Variants in C3orf18 observed in about 807,000 individuals in gnomAD.
C3orf18 encodes chromosome 3 open reading frame 18, also known as uncharacterized protein C3orf18.
In C3orf18, 12 loss-of-function variants were observed where a neutral mutation model predicts 14.1. The ratio of observed to expected loss-of-function variants is 0.85; its 90% CI spans 0.55 to 1.38. C3orf18 has a LOEUF of 1.38. Among genes scored for constraint, C3orf18 ranks in the 40% most tolerant of loss-of-function variants. C3orf18 has a pLI of 0.00. For synonymous variants in C3orf18, 82 were observed against 87.9 expected (o/e 0.93, Z 0.38); for missense variants, 196 against 213.9 (o/e 0.92, Z 0.52).
chr3:50,561,135 C>T, intron 4 of C3orf18, 71 bp from the exon 5 acceptor site: 1 of 1,512,626 alleles, frequency 6.6e-7, no homozygotes, highest in East Asian at 2.3e-5. Flanking sequence ...CCAGGCCCTG[C>T]CTCCTGACTA....
At chr3:50,560,541 A>G (rs1205187963) in intron 5 of C3orf18, among the ~76,000 whole-genome samples, 1 of 152,242 alleles carries the variant, frequency 6.6e-6, no homozygotes, top group Non-Finnish European at 1.5e-5. Context: ...CCTAGCCGCC[A>G]ACAGTCTCTC....
rs1699806754 is a variant in C3orf18, at chr3:50,558,953, G to A, written c.*704C>T. 1 of 1,287,330 alleles carries A rather than the reference G, an allele frequency of 7.8e-7. No individual in the cohort carries two copies. Among genetic ancestry groups the A allele is most frequent in the Admixed American group, 2.3e-5 (1 of 43,480 alleles). The allele number at this position is 1,287,330 out of a possible 1,614,324, so 79.7% of individuals were successfully genotyped here. A position where few individuals can be genotyped will look rare whatever the true frequency, so the allele number is the denominator to read the frequency against. ...CATGAGGCCTCTCGGCAGGTCTGGG[G>A]GGGCTGCATCCTTCCACTTCCATTC... is the stretch of plus-strand genomic sequence containing the variant. On this transcript the variant is annotated 3_prime_UTR_variant, in exon 6 of 6. Transcript: ENST00000357203.
intron 4 of C3orf18, among the ~76,000 whole-genome samples, chr3:50,561,282 C>T (rs1170886235): frequency 6.6e-6 from 1 of 152,234 alleles, no homozygotes; most frequent in East Asian, 1.9e-4. Flanking sequence ...GTTACCCACT[C>T]CAGGGTAAGG....
upstream of C3orf18, among the ~76,000 whole-genome samples, chr3:50,567,994 G>A (rs1196991117): frequency 6.6e-6 from 1 of 152,280 alleles, no homozygotes; most frequent in East Asian, 1.9e-4. Context: ...ACCCGTGCCA[G>A]GACAGACTCA....
At chr3:50,568,582 C>T (rs970624675), upstream of C3orf18, among the ~76,000 whole-genome samples, 1 of 151,904 alleles carries the variant, frequency 6.6e-6, no homozygotes, top group East Asian at 1.9e-4. Context: ...CAGAATTAGC[C>T]GGTCGTGTTG....
chr3:50,563,730 C>A (rs182733829), intron 3 of C3orf18, among the ~76,000 whole-genome samples: 2 of 152,330 alleles, frequency 1.3e-5, no homozygotes, highest in Admixed American at 1.3e-4. Flanking sequence ...TATCTTCTGC[C>A]CTCCGCTGCC....
intron 3 of C3orf18, 94 bp from the exon 4 acceptor site, chr3:50,561,841 C>T (rs537942320): frequency 6.0e-6 from 8 of 1,322,886 alleles, no homozygotes; most frequent in African/African-American, 5.8e-5. Flanking sequence ...GGCTGATGAA[C>T]AAGAGACCCG....
In C3orf18 at chr3:50,559,644, T is replaced by C; in HGVS notation, c.*13A>G. ...TGGGTCTCTATCAGAAGTCCAGGCT[T>C]GTCCCAGGCCACTCACGCATGGATG... On this transcript the variant is annotated 3_prime_UTR_variant, in exon 6 of 6. Transcript: ENST00000357203. 1.3e-6 allele frequency: 2 copies of C among 1,561,094 alleles called. No individual in the cohort carries two copies. Among genetic ancestry groups the C allele is most frequent in the Non-Finnish European group, 1.7e-6 (2 of 1,151,252 alleles).
chr3:50,560,234 G>A (rs1251331577), intron 5 of C3orf18, among the ~76,000 whole-genome samples: 1 of 152,216 alleles, frequency 6.6e-6, no homozygotes, highest in Non-Finnish European at 1.5e-5. Flanking sequence ...CCAAGAAGAC[G>A]CAAAGAGGCT....
chr3:50,565,658 G>T lies in C3orf18; in HGVS notation c.42C>A (p.Ser14Arg). 1 of 1,612,738 alleles carries T rather than the reference G, an allele frequency of 6.2e-7. No homozygotes were observed. ...GGTCAGACTCAGAGGTGGGTGGGCGGCTGCTGAACCAGCCCCTAGCAGATG... is the reference window on the plus strand; with the variant it reads ...GGTCAGACTCAGAGGTGGGTGGGCGTCTGCTGAACCAGCCCCTAGCAGATG... Reference protein sequence around the residue: ...RTASARGWFSSRPPTSESDLE... With the variant: ...RTASARGWFSRRPPTSESDLE... Residue 14 changes from serine to arginine, a missense_variant, in exon 3 of 6, where the codon AGC becomes AGA. Coordinates refer to ENST00000357203, the MANE Select transcript of C3orf18 (RefSeq NM_016210.5). This position sits in a 1 kb window ranked among gnomAD's most constrained non-coding sequence, Gnocchi z 4.4.
upstream of C3orf18, among the ~76,000 whole-genome samples, chr3:50,573,234 G>A (rs904630292): frequency 1.3e-5 from 2 of 152,206 alleles, no homozygotes; most frequent in African/African-American, 2.4e-5. Context: ...GGGGCAGCAC[G>A]TGGACTTCCT....
Position 50,558,732 on chromosome 3 carries a change from G to A in C3orf18, c.*925C>T, listed in dbSNP as rs1470332716. On this transcript the variant is annotated 3_prime_UTR_variant, in exon 6 of 6. Coordinates refer to ENST00000357203, the MANE Select transcript of C3orf18 (RefSeq NM_016210.5). The stretch of plus-strand genomic sequence containing the variant: ...CAGTGAAACAATGCAGTGGAGAGAG[G>A]AACCGTGCTGTGCGTGCTTCCCTCT... The A allele has an allele frequency of 3.9e-6, 5 of 1,289,682 alleles. No homozygotes were observed. In the African/African-American group the frequency reaches 6.1e-5, roughly 16 times the overall value. 79.9% of individuals were successfully genotyped at this position (1,289,682 alleles called of 1,614,324 possible).
At chr3:50,569,997 T>C (rs1244692963), upstream of C3orf18, 1 of 152,234 alleles carries the variant, frequency 6.6e-6, no homozygotes, top group Non-Finnish European at 1.5e-5. Flanking sequence ...CGCGTCAGTA[T>C]GCCCGGCCAA....
In C3orf18 at chr3:50,559,557, A is replaced by G. The variant is rs1699838573; in HGVS notation, c.*100T>C. On this transcript the variant is annotated 3_prime_UTR_variant, in exon 6 of 6. Coordinates refer to ENST00000357203, the MANE Select transcript of C3orf18 (RefSeq NM_016210.5). ...TGGCTCAGCCCTCTTGTGTCTTGGC[A>G]GGGAAGATCTTCAGAGTAGGTCTTG... The G allele has an allele frequency of 6.9e-7, 1 of 1,444,790 alleles. No individual in the cohort carries two copies. The highest frequency in any genetic ancestry group is 1.4e-5 in the African/African-American group (1 of 69,902). The allele number at this position is 1,444,790 out of a possible 1,614,324, so 89.5% of individuals were successfully genotyped here.
Position 50,559,648 on chromosome 3 carries a change from C to A in C3orf18, c.*9G>T. 1 of 1,567,158 alleles carries A rather than the reference C, an allele frequency of 6.4e-7. No individual in the cohort carries two copies. The highest frequency in any genetic ancestry group is 2.3e-5 in the East Asian group (1 of 42,606). On this transcript the variant is annotated 3_prime_UTR_variant, in exon 6 of 6. Transcript: ENST00000357203. ...TCTCTATCAGAAGTCCAGGCTTGTC[C>A]CAGGCCACTCACGCATGGATGGCAT...
upstream of C3orf18, among the ~76,000 whole-genome samples, chr3:50,573,769 G>A (rs1242208771): frequency 1.3e-5 from 2 of 152,256 alleles, no homozygotes; most frequent in Non-Finnish European, 2.9e-5. Flanking sequence ...GATGGTTTCT[G>A]ATGAAAGGGG....
Position 50,565,394 on chromosome 3 carries a change from G to T in C3orf18, c.234+72C>A. 8.8e-7 allele frequency: 1 copy of T among 1,141,162 alleles called. No individual in the cohort carries two copies. The highest frequency in any genetic ancestry group is 1.3e-6 in the Non-Finnish European group (1 of 776,350). 70.7% of individuals were successfully genotyped at this position (1,141,162 alleles called of 1,614,324 possible). On this transcript the variant is annotated intron_variant, in intron 3 of 5. Transcript: ENST00000357203. The surrounding 1 kb of genome is among the most constrained non-coding windows in gnomAD (Gnocchi z 4.4). Reference sequence around the variant, plus strand: ...AAACAACAATAACAACAACCAGATTGTCTTCTGATTGATTAGGTTCTCTAT... The same window carrying T: ...AAACAACAATAACAACAACCAGATTTTCTTCTGATTGATTAGGTTCTCTAT...
upstream of C3orf18, chr3:50,571,411 A>G (rs527866188): frequency 4.6e-6 from 5 of 1,089,000 alleles, no homozygotes; most frequent in South Asian, 4.6e-5. Context: ...TTTTCTGTTC[A>G]CTAAGAGTGC....
At chr3:50,566,961 G>T (rs961505370) in intron 1 of C3orf18, among the ~76,000 whole-genome samples, 5 of 152,188 alleles carry the variant, frequency 3.3e-5, no homozygotes, top group Non-Finnish European at 7.4e-5. Flanking sequence ...CCCCTGTGCT[G>T]GTTCATGGGC....
Sources: gnomAD v4.1 joint callset for allele counts (sites outside exome capture counted in the v4.1 genomes callset) on GRCh38, gnomAD v4.1.1 for gene constraint, Gnocchi (gnomAD v3.1) non-coding constraint, MANE v1.5 for transcripts, NCBI Gene and HGNC (gene_info 2026-07-23, HGNC 2026-07-21) for gene names.